Variants in TMED7 observed in about 807,000 individuals in gnomAD.
TMED7 encodes the protein transmembrane p24 trafficking protein 7, also known as transmembrane emp24 domain-containing protein 7.
TMED7 carries 8 observed loss-of-function variants against 23.4 expected under a neutral mutation model. The ratio of observed to expected loss-of-function variants is 0.34; its 90% CI spans 0.20 to 0.62. The LOEUF is 0.62. Ranked by LOEUF, TMED7 falls within the 20% of genes least tolerant of loss-of-function variation. The probability of loss-of-function intolerance (pLI) is 0.77; values close to 1 mark genes in which losing one functional copy is unlikely to be tolerated. For synonymous variants in TMED7, 121 were observed against 108.5 expected (o/e 1.12, Z -0.72); for missense variants, 232 against 279.1 (o/e 0.83, Z 1.20).
chr5:115,613,533 G>A lies in TMED7; in HGVS notation c.*2676C>T, dbSNP rs1756554959. 6.6e-6 allele frequency: 1 copy of A among 151,982 alleles called. No individual in the cohort carries two copies. The allele number at this position is 151,982 out of a possible 1,614,324, so 9.4% of individuals were successfully genotyped here. Reference sequence around the variant, plus strand: ...TGAAAGATTTTTTTTTATTCTACAAGAAATTGATAGGTGCAATCCTGTTAA... The same window carrying A: ...TGAAAGATTTTTTTTTATTCTACAAAAAATTGATAGGTGCAATCCTGTTAA... On this transcript the variant is annotated 3_prime_UTR_variant, in exon 3 of 3. Transcript: ENST00000456936.
chr5:115,616,114 A>T lies in TMED7; in HGVS notation c.*95T>A, dbSNP rs565538234. On this transcript the variant is annotated 3_prime_UTR_variant, in exon 3 of 3. Coordinates refer to ENST00000456936, the MANE Select transcript of TMED7 (RefSeq NM_181836.6). ...CCAACAAGTGTATGAGTAAGGATTTAAAAATGTTGCCAATATTAAGTTCTT... is the reference window on the plus strand; with the variant it reads ...CCAACAAGTGTATGAGTAAGGATTTTAAAATGTTGCCAATATTAAGTTCTT... 4.1e-6 allele frequency: 5 copies of T among 1,215,770 alleles called. No homozygotes were observed. Among genetic ancestry groups the T allele is most frequent in the Middle Eastern group, 2.5e-4 (1 of 3,966 alleles). 75.3% of individuals were successfully genotyped at this position (1,215,770 alleles called of 1,614,324 possible).
In TMED7 at chr5:115,616,332, T is replaced by G. The variant is rs761465123; in HGVS notation, c.552A>C (p.Thr184=). The part of the protein sequence containing the change: ...QGRSRAEDLN[T]RVAYWSVGEA... ...CTCCTACTGACCAATAGGCCACTCT[T>G]GTATTTAGATCCTCTGCTCGGCTTC... Residue 184 remains threonine (T), a synonymous_variant, in exon 3 of 3, where the codon ACA becomes ACC. Coordinates refer to ENST00000456936, the MANE Select transcript of TMED7 (RefSeq NM_181836.6). The G allele has an allele frequency of 6.2e-6, 10 of 1,614,090 alleles. No individual in the cohort carries two copies. The highest frequency in any genetic ancestry group is 8.5e-6 in the Non-Finnish European group (10 of 1,180,022).
Position 115,615,099 on chromosome 5 carries a change from A to G in TMED7, c.*1110T>C, listed in dbSNP as rs1756655799. Reference sequence around the variant, plus strand: ...GTCTACAGAATATGCACTATTTAATACTCATTAACTAAAGAAAAGTCAATG... The same window carrying G: ...GTCTACAGAATATGCACTATTTAATGCTCATTAACTAAAGAAAAGTCAATG... On this transcript the variant is annotated 3_prime_UTR_variant, in exon 3 of 3. Transcript: ENST00000456936. 1 of 152,170 alleles carries G rather than the reference A, an allele frequency of 6.6e-6. No homozygotes were observed. The highest frequency in any genetic ancestry group is 2.1e-4 in the South Asian group (1 of 4,834). The allele number at this position is 152,170 out of a possible 1,614,324, so 9.4% of individuals were successfully genotyped here. A position where few individuals can be genotyped will look rare whatever the true frequency, so the allele number is the denominator to read the frequency against.
intron 1 of TMED7, among the ~76,000 whole-genome samples, chr5:115,621,608 C>G (rs1757030595): frequency 1.3e-5 from 2 of 151,980 alleles, no homozygotes; most frequent in African/African-American, 4.8e-5. Flanking sequence ...ACAATTCCAG[C>G]CATTTGGGTT....
intron 1 of TMED7, among the ~76,000 whole-genome samples, chr5:115,620,956 C>T (rs1319768149): frequency 6.6e-6 from 1 of 152,120 alleles, no homozygotes; most frequent in Non-Finnish European, 1.5e-5. Context: ...CCCAGCAACC[C>T]TACAATATAC....
In TMED7 at chr5:115,616,498, C is replaced by G. The variant is rs2112565934; in HGVS notation, c.439-53G>C. The G allele has an allele frequency of 4.4e-6, 7 of 1,605,048 alleles. No homozygotes were observed. In the South Asian group the frequency reaches 7.7e-5, roughly 18 times the overall value. ...GTGTGATACTTTCTGTAGACTTCAT[C>G]TATCATATTCAGCTTTTCTTTCAAT... is the stretch of plus-strand genomic sequence containing the variant. On this transcript the variant is annotated intron_variant, in intron 2 of 2. Coordinates refer to ENST00000456936, the MANE Select transcript of TMED7 (RefSeq NM_181836.6).
intron 2 of TMED7, among the ~76,000 whole-genome samples, chr5:115,618,351 T>C (rs925475245): frequency 6.6e-6 from 1 of 152,252 alleles, no homozygotes; most frequent in African/African-American, 2.4e-5. Flanking sequence ...CATGAAATAA[T>C]CTAAAACAGT....
intron 1 of TMED7, among the ~76,000 whole-genome samples, chr5:115,621,522 T>G (rs939358129): frequency 6.6e-6 from 1 of 152,192 alleles, no homozygotes; most frequent in African/African-American, 2.4e-5. Flanking sequence ...ACATACTGAA[T>G]GGAAGCCTGG....
At position 115,625,581 on chromosome 5, in the gene TMED7, G is replaced by C. The variant is rs1365147291; in HGVS notation, c.192+20C>G. On this transcript the variant is annotated intron_variant, in intron 1 of 2. Transcript: ENST00000456936. Reference sequence around the variant, plus strand: ...CTGGAGCCGCGAGTTGGGGCCCAGGGACTGCTAGGCCCCTGATACCTGGAA... The same window carrying C: ...CTGGAGCCGCGAGTTGGGGCCCAGGCACTGCTAGGCCCCTGATACCTGGAA... 1 of 1,533,552 alleles carries C rather than the reference G, an allele frequency of 6.5e-7. No individual in the cohort carries two copies. Among genetic ancestry groups the C allele is most frequent in the African/African-American group, 1.4e-5 (1 of 70,278 alleles). The allele number at this position is 1,533,552 out of a possible 1,614,324, so 95.0% of individuals were successfully genotyped here.
In TMED7 at chr5:115,616,126, A is replaced by T; in HGVS notation, c.*83T>A. 7.5e-7 allele frequency: 1 copy of T among 1,326,110 alleles called. No homozygotes were observed. Among genetic ancestry groups the T allele is most frequent in the East Asian group, 2.3e-5 (1 of 43,444 alleles). 82.1% of individuals were successfully genotyped at this position (1,326,110 alleles called of 1,614,324 possible). ...TGAGTAAGGATTTAAAAATGTTGCC[A>T]ATATTAAGTTCTTCAGTACCTAAAA... is the stretch of plus-strand genomic sequence containing the variant. On this transcript the variant is annotated 3_prime_UTR_variant, in exon 3 of 3. Transcript: ENST00000456936.
In TMED7 at chr5:115,614,050, A is replaced by T. The variant is rs1756582570; in HGVS notation, c.*2159T>A. The T allele has an allele frequency of 6.6e-6, 1 of 152,348 alleles. No homozygotes were observed. Among genetic ancestry groups the T allele is most frequent in the South Asian group, 2.1e-4 (1 of 4,838 alleles). The allele number at this position is 152,348 out of a possible 1,614,324, so 9.4% of individuals were successfully genotyped here. A position where few individuals can be genotyped will look rare whatever the true frequency, so the allele number is the denominator to read the frequency against. On this transcript the variant is annotated 3_prime_UTR_variant, in exon 3 of 3. Coordinates refer to ENST00000456936, the MANE Select transcript of TMED7 (RefSeq NM_181836.6). ...AACAAGTTAGGAAAGGATTAAGGAAAAATGATGAGCTACAAATTATGTAGT... is the reference window on the plus strand; with the variant it reads ...AACAAGTTAGGAAAGGATTAAGGAATAATGATGAGCTACAAATTATGTAGT...
At chr5:115,622,355 AC>A (rs1757060693) in intron 1 of TMED7, among the ~76,000 whole-genome samples, 1 of 152,228 alleles carries the variant, frequency 6.6e-6, no homozygotes, top group South Asian at 2.1e-4. Flanking sequence ...ATATGATCAC[AC>A]AAATCTCTCA....
At chr5:115,623,329 T>G (rs149019529) in intron 1 of TMED7, among the ~76,000 whole-genome samples, 1 of 152,314 alleles carries the variant, frequency 6.6e-6, no homozygotes, top group Non-Finnish European at 1.5e-5. Flanking sequence ...GCTGGTCACA[T>G]AGGCATATTC....
intron 1 of TMED7, 112 bp from the exon 2 acceptor site, chr5:115,620,792 A>G: frequency 1.6e-6 from 2 of 1,227,658 alleles, no homozygotes; most frequent in African/African-American, 1.6e-5. Flanking sequence ...GACTTTTACT[A>G]TCTTTTTAAA....
intron 2 of TMED7, 165 bp downstream of exon 2, chr5:115,620,270 A>G (rs556293463): frequency 8.2e-6 from 8 of 972,486 alleles, no homozygotes; most frequent in Admixed American, 8.4e-5. Context: ...TTTCACTACA[A>G]AAGTCTGAAG....
chr5:115,623,312 A>G (rs9968571), intron 1 of TMED7, among the ~76,000 whole-genome samples: 13,519 of 152,238 alleles, frequency 0.089, 711 homozygotes, highest in East Asian at 0.11. Flanking sequence ...GCATTTTTAA[A>G]TATTTTGCTG....
Position 115,616,162 on chromosome 5 carries a change from G to C in TMED7, c.*47C>G. 1 of 1,549,028 alleles carries C rather than the reference G, an allele frequency of 6.5e-7. No individual in the cohort carries two copies. The highest frequency in any genetic ancestry group is 8.9e-7 in the Non-Finnish European group (1 of 1,123,242). On this transcript the variant is annotated 3_prime_UTR_variant, in exon 3 of 3. Coordinates refer to ENST00000456936, the MANE Select transcript of TMED7 (RefSeq NM_181836.6). ...CTTCAGTACCTAAAATTAATTAGAG[G>C]ACAGCAATATTACAGTGGCAATGGT...
intron 2 of TMED7, 134 bp from the exon 3 acceptor site, chr5:115,616,579 A>G (rs1310780496): frequency 2.3e-6 from 3 of 1,320,798 alleles, no homozygotes; most frequent in Non-Finnish European, 2.1e-6. Flanking sequence ...TCATTCATAC[A>G]TTTATGCCAG....
chr5:115,619,668 C>G (rs962511058), intron 2 of TMED7, among the ~76,000 whole-genome samples: 2 of 152,042 alleles, frequency 1.3e-5, no homozygotes, highest in Admixed American at 6.5e-5. Flanking sequence ...ATACATGCAG[C>G]CTTAAGGCAA....
Sources: gnomAD v4.1 joint callset for allele counts (sites outside exome capture counted in the v4.1 genomes callset) on GRCh38, gnomAD v4.1.1 for gene constraint, MANE v1.5 for transcripts, NCBI Gene and HGNC (gene_info 2026-07-23, HGNC 2026-07-21) for gene names.